PFKFB4: variants seen among roughly 807,000 people sequenced by gnomAD.
PFKFB4 encodes the protein 6-phosphofructo-2-kinase/fructose-2,6-bisphosphatase 4.
A neutral mutation model predicts 62.8 loss-of-function variants in PFKFB4; 42 were observed. That is an observed-to-expected ratio of 0.67 (90% CI 0.52 to 0.86). The LOEUF is 0.86. Ranked by LOEUF, PFKFB4 falls within the 40% of genes least tolerant of loss-of-function variation. The pLI is 0.00. For synonymous variants in PFKFB4, 204 were observed against 240.7 expected (o/e 0.85, Z 1.41); for missense variants, 475 against 627.2 (o/e 0.76, Z 2.59).
chr3:48,524,531 C>A (rs1378428239), intron 10 of PFKFB4, among the ~76,000 whole-genome samples: 1 of 152,214 alleles, frequency 6.6e-6, no homozygotes, highest in Non-Finnish European at 1.5e-5. Flanking sequence ...TAGACCGGTT[C>A]TTTTGGTAAC....
At chr3:48,560,543 A>G (rs2043416178), upstream of PFKFB4, among the ~76,000 whole-genome samples, 1 of 152,244 alleles carries the variant, frequency 6.6e-6, no homozygotes, top group African/African-American at 2.4e-5. Context: ...ATTCAGGACC[A>G]GCAAGGGCAC....
At chr3:48,561,341 C>A (rs1386727015), upstream of PFKFB4, among the ~76,000 whole-genome samples, 1 of 152,266 alleles carries the variant, frequency 6.6e-6, no homozygotes, top group Non-Finnish European at 1.5e-5. This position sits in a 1 kb window ranked among gnomAD's most constrained non-coding sequence, Gnocchi z 5.2. Flanking sequence ...CTCCCTCTCC[C>A]GCCAGAGCTG....
intron 5 of PFKFB4, 191 bp downstream of exon 5, chr3:48,539,506 G>T: frequency 1.4e-6 from 1 of 693,090 alleles, no homozygotes; most frequent in Non-Finnish European, 2.5e-6. Context: ...CCCTCTCCTA[G>T]ACTCTCCCAC....
Position 48,519,680 on chromosome 3 carries a change from G to A in PFKFB4, c.*67C>T. 2 of 1,162,690 alleles carry A rather than the reference G, an allele frequency of 1.7e-6. No homozygotes were observed. The allele number at this position is 1,162,690 out of a possible 1,614,324, so 72.0% of individuals were successfully genotyped here. ...GGCATGGTGACTATCACACACACTG[G>A]AGGGCCTGGAATGACCCCCTCTGCA... On this transcript the variant is annotated 3_prime_UTR_variant, in exon 14 of 14. Coordinates refer to ENST00000232375, the MANE Select transcript of PFKFB4 (RefSeq NM_004567.4).
chr3:48,556,879 C>G, upstream of PFKFB4: 3 of 1,462,318 alleles, frequency 2.1e-6, no homozygotes, highest in South Asian at 4.1e-5. The surrounding 1 kb of genome is among the most constrained non-coding windows in gnomAD (Gnocchi z 5.7). Flanking sequence ...CCTCCTCAAG[C>G]CGCGACAGCC....
At chr3:48,560,780 G>T (rs1466453856), upstream of PFKFB4, among the ~76,000 whole-genome samples, 1 of 152,240 alleles carries the variant, frequency 6.6e-6, no homozygotes, top group Non-Finnish European at 1.5e-5. Flanking sequence ...CCAGCAAAGA[G>T]CAGAGCAGGA....
At chr3:48,529,610 G>A (rs1033911341) in intron 9 of PFKFB4, among the ~76,000 whole-genome samples, 2 of 152,060 alleles carry the variant, frequency 1.3e-5, no homozygotes, top group African/African-American at 4.8e-5. Flanking sequence ...ATCAGTGGCT[G>A]GATAACCCCC....
At chr3:48,560,971 C>CT, upstream of PFKFB4, 2 of 674,526 alleles carry the variant, frequency 3.0e-6, no homozygotes, top group South Asian at 4.1e-5. Context: ...CCCCAACACT[C>CT]TCGCACCCCT....
intron 11 of PFKFB4, 45 bp downstream of exon 11, chr3:48,523,656 C>T: frequency 6.2e-7 from 1 of 1,614,104 alleles, no homozygotes; most frequent in South Asian, 1.1e-5. Context: ...ACAGTGCCTA[C>T]CTTCTCACAC....
intron 5 of PFKFB4, 112 bp from the exon 6 acceptor site, chr3:48,539,422 G>T: frequency 1.0e-6 from 1 of 958,062 alleles, no homozygotes; most frequent in Non-Finnish European, 1.7e-6. Context: ...ATGCTGACAA[G>T]CAGCCAGGCC....
intron 3 of PFKFB4, among the ~76,000 whole-genome samples, chr3:48,549,245 A>G (rs2043054318): frequency 6.6e-6 from 1 of 152,198 alleles, no homozygotes; most frequent in Non-Finnish European, 1.5e-5. Flanking sequence ...CCAGAGTAAC[A>G]GCAGAAGTGT....
chr3:48,543,996 C>A (rs1271219361), intron 3 of PFKFB4, among the ~76,000 whole-genome samples: 1 of 149,810 alleles, frequency 6.7e-6, no homozygotes, highest in Non-Finnish European at 1.5e-5. Flanking sequence ...AATAAGCCCC[C>A]CCCCGCCCGC....
At chr3:48,524,202 G>A (rs1478901244) in intron 10 of PFKFB4, among the ~76,000 whole-genome samples, 1 of 152,230 alleles carries the variant, frequency 6.6e-6, no homozygotes, top group Non-Finnish European at 1.5e-5. Flanking sequence ...ACTGACAAGA[G>A]CGAAGGGGAA....
At chr3:48,547,737 G>T (rs2043008530) in intron 3 of PFKFB4, 1 of 152,268 alleles carries the variant, frequency 6.6e-6, no homozygotes, top group Admixed American at 6.5e-5. Flanking sequence ...GCCTCCCAAA[G>T]TGCTGGGATT....
upstream of PFKFB4, chr3:48,556,944 G>A (rs2043344135): frequency 1.4e-6 from 2 of 1,396,700 alleles, no homozygotes; most frequent in South Asian, 1.6e-5. The surrounding 1 kb of genome is among the most constrained non-coding windows in gnomAD (Gnocchi z 5.7). Context: ...CGCCCCAGCT[G>A]AAAGGGGCCC....
chr3:48,555,995 G>GC (rs1237313133), intron 1 of PFKFB4: 4 of 420,890 alleles, frequency 9.5e-6, no homozygotes, highest in Non-Finnish European at 2.0e-5. Flanking sequence ...GGAGAGGTGA[G>GC]CCCCTTAACA....
At chr3:48,546,792 G>T (rs1183531349) in intron 3 of PFKFB4, among the ~76,000 whole-genome samples, 2 of 152,220 alleles carry the variant, frequency 1.3e-5, no homozygotes, top group African/African-American at 4.8e-5. Context: ...TTTGGTACAT[G>T]CTAGGCACAG....
intron 3 of PFKFB4, among the ~76,000 whole-genome samples, chr3:48,547,156 T>C (rs760574327): frequency 8.5e-5 from 13 of 152,204 alleles, no homozygotes; most frequent in Non-Finnish European, 1.9e-4. Context: ...TGTGTGTATA[T>C]ACAGGGTGAG....
intron 9 of PFKFB4, among the ~76,000 whole-genome samples, chr3:48,533,851 T>A (rs1245443701): frequency 6.6e-6 from 1 of 151,924 alleles, no homozygotes; most frequent in Non-Finnish European, 1.5e-5. Flanking sequence ...CAAACCTCCG[T>A]CTCAAAAAAA....
Sources: gnomAD v4.1 joint callset for allele counts (sites outside exome capture counted in the v4.1 genomes callset) on GRCh38, gnomAD v4.1.1 for gene constraint, Gnocchi (gnomAD v3.1) non-coding constraint, MANE v1.5 for transcripts, NCBI Gene and HGNC (gene_info 2026-07-23, HGNC 2026-07-21) for gene names.